SLC8A3: variants seen among roughly 807,000 people sequenced by gnomAD.
SLC8A3 encodes sodium/calcium exchanger 3.
In SLC8A3, 37 loss-of-function variants were observed where a neutral mutation model predicts 65.4. The ratio of observed to expected loss-of-function variants is 0.57; its 90% CI spans 0.44 to 0.74. The LOEUF (loss-of-function observed/expected upper bound fraction) is 0.74. Ranked by LOEUF, SLC8A3 falls within the 30% of genes least tolerant of loss-of-function variation. SLC8A3 has a pLI of 0.00. For missense variants in SLC8A3, 1,112 were observed against 1,172.1 expected (o/e 0.95, Z 0.75); for synonymous variants, 461 against 444.5 (o/e 1.04, Z -0.47).
At chr14:70,076,743 C>G (rs1232756475) in intron 2 of SLC8A3, among the ~76,000 whole-genome samples, 1 of 152,178 alleles carries the variant, frequency 6.6e-6, no homozygotes, top group Non-Finnish European at 1.5e-5. Flanking sequence ...GTCATCTTGG[C>G]TAGAATCACG....
At chr14:70,186,154 G>A (rs186011129) in intron 1 of SLC8A3, among the ~76,000 whole-genome samples, 2 of 152,144 alleles carry the variant, frequency 1.3e-5, no homozygotes, top group East Asian at 3.9e-4. Context: ...CACAAGATCT[G>A]ATGGCTTTGT....
chr14:70,114,170 G>T (rs1275785000), intron 2 of SLC8A3, among the ~76,000 whole-genome samples: 1 of 152,160 alleles, frequency 6.6e-6, no homozygotes, highest in Non-Finnish European at 1.5e-5. Flanking sequence ...GAAATAATTT[G>T]AGCAGGAAGA....
chr14:70,080,749 G>A (rs768350364), intron 2 of SLC8A3, among the ~76,000 whole-genome samples: 6 of 152,124 alleles, frequency 3.9e-5, no homozygotes, highest in Non-Finnish European at 7.4e-5. Flanking sequence ...ATTTGTGCAC[G>A]GAGCTCCATA....
chr14:70,086,921 C>G (rs1258657990), intron 2 of SLC8A3, among the ~76,000 whole-genome samples: 1 of 152,300 alleles, frequency 6.6e-6, no homozygotes, highest in Non-Finnish European at 1.5e-5. Flanking sequence ...CCCTCTACTA[C>G]CCAGAGTCAA....
In SLC8A3 at chr14:70,167,184, A is replaced by T. The variant is rs753433417; in HGVS notation, c.1239T>A (p.Ala413=). The change falls in exon 2 of 7, where the codon GCT becomes GCA. Residue 413 remains alanine, a synonymous_variant. Transcript: ENST00000356921. ...CSYQCLENCG[A]VLLTVVRKGG... ...CTTTCCTCACCACTGTCAGGAGTAC[A>T]GCCCCACAGTTCTCCAGGCACTGGT... The T allele has an allele frequency of 1.2e-6, 2 of 1,614,130 alleles. No homozygotes were observed. The highest frequency in any genetic ancestry group is 1.7e-6 in the Non-Finnish European group (2 of 1,179,978).
At chr14:70,143,284 A>T (rs1419250319) in intron 2 of SLC8A3, among the ~76,000 whole-genome samples, 2 of 152,192 alleles carry the variant, frequency 1.3e-5, no homozygotes, top group African/African-American at 2.4e-5. Context: ...TCCTGTGAGG[A>T]GGTACTATCA....
upstream of SLC8A3, chr14:70,189,178 T>A (rs1321630049): frequency 6.6e-6 from 1 of 152,052 alleles, no homozygotes; most frequent in Non-Finnish European, 1.5e-5. Flanking sequence ...GCATCCCGCA[T>A]CCCGCATCCA....
intron 2 of SLC8A3, among the ~76,000 whole-genome samples, chr14:70,072,116 T>C (rs146710014): frequency 2.9e-4 from 44 of 152,348 alleles, no homozygotes; most frequent in African/African-American, 1.0e-3. Context: ...TTTATGGATG[T>C]AGACCCATTT....
chr14:70,152,152 G>A (rs956816891), intron 2 of SLC8A3, among the ~76,000 whole-genome samples: 1 of 152,114 alleles, frequency 6.6e-6, no homozygotes, highest in South Asian at 2.1e-4. Flanking sequence ...TTCCAGTGGC[G>A]TGGGCAGTGG....
chr14:70,064,706 T>C (rs1889219910), intron 2 of SLC8A3, among the ~76,000 whole-genome samples: 1 of 152,222 alleles, frequency 6.6e-6, no homozygotes, highest in South Asian at 2.1e-4. Context: ...GCTCTCAGAA[T>C]CACGATTCCT....
At chr14:70,157,168 G>T (rs7149156) in intron 2 of SLC8A3, among the ~76,000 whole-genome samples, 25,120 of 152,134 alleles carry the variant, frequency 0.17, 2,483 homozygotes, top group Non-Finnish European at 0.22. Flanking sequence ...CCCCAGTACA[G>T]GCCACTACAA....
intron 6 of SLC8A3, 67 bp downstream of exon 6, chr14:70,048,700 T>C (rs1217935460): frequency 1.5e-6 from 2 of 1,351,734 alleles, no homozygotes; most frequent in Non-Finnish European, 2.1e-6. Flanking sequence ...GATAATGAGA[T>C]GGAGTCCAGG....
At chr14:70,096,824 T>C (rs151127200) in intron 2 of SLC8A3, among the ~76,000 whole-genome samples, 2 of 152,256 alleles carry the variant, frequency 1.3e-5, no homozygotes, top group African/African-American at 2.4e-5. Context: ...CACTTTGGTC[T>C]TTTGCGGGAT....
At position 70,154,175 on chromosome 14, in the gene SLC8A3, A is replaced by G. The variant is rs557262117; in HGVS notation, c.1784+12464T>C. ...AGAATGCATTCTTAACTTCCTACAT[A>G]TGAGGAAAAGGGAGCCTGCTACTTC... On this transcript the variant is annotated intron_variant, in intron 2 of 6. Coordinates refer to ENST00000356921, the MANE Select transcript of SLC8A3 (RefSeq NM_182932.3). Among the ~76,000 whole-genome samples the G allele has an allele frequency of 1.8e-4, 28 of 152,388 alleles. No individual in the cohort carries two copies. In the South Asian group the frequency reaches 5.6e-3, roughly 30 times the overall value.
intron 6 of SLC8A3, chr14:70,047,402 A>G (rs73290802): frequency 0.15 from 22,418 of 151,848 alleles, 1,826 homozygotes; most frequent in African/African-American, 0.21. Flanking sequence ...GCTTTCCCCC[A>G]TATTTCCTCC....
intron 2 of SLC8A3, among the ~76,000 whole-genome samples, chr14:70,143,141 T>C (rs574151038): frequency 5.3e-4 from 80 of 152,338 alleles, no homozygotes; most frequent in African/African-American, 1.8e-3. Context: ...CACAGATTTT[T>C]TGACTTGGTG....
At chr14:70,077,744 C>CTTGGG (rs1890668376) in intron 2 of SLC8A3, among the ~76,000 whole-genome samples, 2 of 152,202 alleles carry the variant, frequency 1.3e-5, no homozygotes, top group African/African-American at 4.8e-5. Flanking sequence ...GTCCCAGTAC[C>CTTGGG]AATTTCTCAA....
chr14:70,122,096 C>T (rs1414251110), intron 2 of SLC8A3, among the ~76,000 whole-genome samples: 2 of 152,110 alleles, frequency 1.3e-5, no homozygotes, highest in East Asian at 3.9e-4. Context: ...GACTGGACAC[C>T]CCTGTGTGAA....
chr14:70,084,093 C>A (rs941096669), intron 2 of SLC8A3, among the ~76,000 whole-genome samples: 1 of 152,158 alleles, frequency 6.6e-6, no homozygotes, highest in Non-Finnish European at 1.5e-5. Context: ...AAGTGAGATG[C>A]CCTCCTGCAA....
Sources: gnomAD v4.1 joint callset for allele counts (sites outside exome capture counted in the v4.1 genomes callset) on GRCh38, gnomAD v4.1.1 for gene constraint, MANE v1.5 for transcripts, NCBI Gene and HGNC (gene_info 2026-07-23, HGNC 2026-07-21) for gene names.